SLC37A1: variants seen among roughly 807,000 people sequenced by gnomAD.
SLC37A1 encodes solute carrier family 37 member 1.
SLC37A1 carries 49 observed loss-of-function variants against 75.3 expected under a neutral mutation model. The ratio of observed to expected loss-of-function variants is 0.65; its 90% confidence interval spans 0.52 to 0.83. SLC37A1 has a LOEUF of 0.83. SLC37A1 is among the 40% of genes least tolerant of loss of function. The pLI is 0.00. For missense variants in SLC37A1, 566 were observed against 695.0 expected, an observed-to-expected ratio of 0.81 and a Z score of 2.09; for synonymous variants, 268 against 292.1, an observed-to-expected ratio of 0.92 and a Z score of 0.84.
At chr21:42,505,294 A>G (rs1042045912) in intron 2 of SLC37A1, among the ~76,000 whole-genome samples, 3 of 152,190 alleles carry the variant, frequency 2.0e-5, no homozygotes, top group African/African-American at 7.2e-5. Flanking sequence ...TGCTGTGGCC[A>G]TAATGACTTT....
intron 1 of SLC37A1, among the ~76,000 whole-genome samples, chr21:42,516,620 T>G (rs1334317497): frequency 6.6e-6 from 1 of 152,218 alleles, no homozygotes; most frequent in African/African-American, 2.4e-5. Context: ...TTTCACCCAT[T>G]TTACAGGGAA....
At chr21:42,507,322 C>G (rs1277408857) in intron 2 of SLC37A1, among the ~76,000 whole-genome samples, 1 of 152,154 alleles carries the variant, frequency 6.6e-6, no homozygotes, top group East Asian at 1.9e-4. Context: ...TAGAGGAACC[C>G]AGGGCATGCG....
At position 42,547,209 on chromosome 21, in the gene SLC37A1, C is replaced by T. The variant is rs368805436; in HGVS notation, c.768+69C>T. ...TTCTGACCACTTCCCCAGCCTGCTCCTGCCTGTGCGGTGTCAGACAGAAAC... is the reference window on the plus strand; with the variant it reads ...TTCTGACCACTTCCCCAGCCTGCTCTTGCCTGTGCGGTGTCAGACAGAAAC... On this transcript the variant is annotated intron_variant, in intron 9 of 19. Coordinates refer to ENST00000352133, the MANE Select transcript of SLC37A1 (RefSeq NM_001320537.2). This position sits in a 1 kb window ranked among gnomAD's most constrained non-coding sequence, Gnocchi z 6.1. 2.5e-5 allele frequency: 40 copies of T among 1,569,768 alleles called. No homozygotes were observed. Among genetic ancestry groups the T allele is most frequent in the Non-Finnish European group, 3.0e-5 (34 of 1,139,924 alleles).
In SLC37A1 at chr21:42,539,433, C is replaced by T. The variant is rs763143679; in HGVS notation, c.351-79C>T. 5.2e-5 allele frequency: 77 copies of T among 1,486,002 alleles called. No individual in the cohort carries two copies. In the African/African-American group the frequency reaches 5.2e-4, roughly 10 times the overall value. The allele number at this position is 1,486,002 out of a possible 1,614,324, so 92.1% of individuals were successfully genotyped here. On this transcript the variant is annotated intron_variant, in intron 5 of 19. Transcript: ENST00000352133. Reference sequence around the variant, plus strand: ...GCTCAGAGAACAGCATGAAAGCATCCGGCAAGAAACAGCCACGAGGTTGCT... The same window carrying T: ...GCTCAGAGAACAGCATGAAAGCATCTGGCAAGAAACAGCCACGAGGTTGCT...
chr21:42,513,488 C>T (rs372231674), upstream of SLC37A1, among the ~76,000 whole-genome samples: 13 of 152,138 alleles, frequency 8.5e-5, no homozygotes, highest in East Asian at 1.9e-3. Flanking sequence ...GGCGCGGCGG[C>T]ATGTGACCCT....
chr21:42,560,824 T>C (rs2055810840), intron 11 of SLC37A1, among the ~76,000 whole-genome samples: 1 of 152,208 alleles, frequency 6.6e-6, no homozygotes, highest in South Asian at 2.1e-4. Flanking sequence ...CAAATACTTG[T>C]ACCAAAAGTA....
chr21:42,554,289 C>G lies in SLC37A1; in HGVS notation c.849+147C>G, dbSNP rs372844079. On this transcript the variant is annotated intron_variant, in intron 10 of 19. Coordinates refer to ENST00000352133, the MANE Select transcript of SLC37A1 (RefSeq NM_001320537.2). The stretch of plus-strand genomic sequence containing the variant: ...AAAATTCTGTCTCATTGTATTTCTT[C>G]AGTAAAATTTGAGTTTGCCCTTATT... 52 of 708,988 alleles carry G rather than the reference C, an allele frequency of 7.3e-5. 1 individual carries two copies. Among genetic ancestry groups the G allele is most frequent in the East Asian group, 3.3e-4 (12 of 36,704 alleles). The allele number at this position is 708,988 out of a possible 1,614,324, so 43.9% of individuals were successfully genotyped here. A position where few individuals can be genotyped will look rare whatever the true frequency, so the allele number is the denominator to read the frequency against.
chr21:42,538,184 C>G (rs1012393570), intron 5 of SLC37A1, among the ~76,000 whole-genome samples: 4 of 152,218 alleles, frequency 2.6e-5, no homozygotes, highest in Non-Finnish European at 4.4e-5. Flanking sequence ...GTGACCTGGG[C>G]AGGTCAGCCA....
intron 18 of SLC37A1, among the ~76,000 whole-genome samples, chr21:42,579,508 T>TTCATCAGATAGCCCTGCCC (rs2056372037): frequency 7.9e-6 from 1 of 126,176 alleles, no homozygotes. Context: ...TTCGTGGGCC[T>TTCATCAGATAGCCCTGCCC]TCATCAGACA....
rs557384572 is a variant in SLC37A1 at position 42,580,901 on chromosome 21, G to A, written c.*541G>A. 9.5e-4 allele frequency: 158 copies of A among 165,552 alleles called. No homozygotes were observed. Among genetic ancestry groups the A allele is most frequent in the African/African-American group, 3.6e-3 (148 of 41,670 alleles). 10.3% of individuals were successfully genotyped at this position (165,552 alleles called of 1,614,324 possible). A position where few individuals can be genotyped will look rare whatever the true frequency, so the allele number is the denominator to read the frequency against. On this transcript the variant is annotated 3_prime_UTR_variant, in exon 20 of 20. Coordinates refer to ENST00000352133, the MANE Select transcript of SLC37A1 (RefSeq NM_001320537.2). ...CGACAACCAGGTTGGAAACCAAGAC[G>A]GAGCTCAGACCCACCACATCGCCCC...
chr21:42,550,899 A>G (rs1273329834), intron 9 of SLC37A1, among the ~76,000 whole-genome samples: 1 of 152,184 alleles, frequency 6.6e-6, no homozygotes, highest in Non-Finnish European at 1.5e-5. Context: ...CACTCAACAA[A>G]CTAGGAATAG....
At chr21:42,504,474 CATG>C (rs2054366813) in intron 2 of SLC37A1, among the ~76,000 whole-genome samples, 1 of 152,154 alleles carries the variant, frequency 6.6e-6, no homozygotes, top group Admixed American at 6.5e-5. Flanking sequence ...CTATGTGTGT[CATG>C]ATATTTTCTT....
chr21:42,518,551 A>G lies in SLC37A1; in HGVS notation c.56+41A>G, dbSNP rs1249133149. 3.1e-6 allele frequency: 5 copies of G among 1,609,568 alleles called. No homozygotes were observed. In the South Asian group the frequency reaches 4.4e-5, roughly 14 times the overall value. ...GCAGGCCCTTGGCATGGAGCTGTGT[A>G]TAGGTGAGGGCTACTGTGCAGGTAG... On this transcript the variant is annotated intron_variant, in intron 2 of 19. Transcript: ENST00000352133.
chr21:42,523,126 T>C (rs527967283), intron 2 of SLC37A1, among the ~76,000 whole-genome samples: 3 of 152,344 alleles, frequency 2.0e-5, no homozygotes, highest in East Asian at 3.9e-4. Context: ...GCTGCTCTTC[T>C]CAAAATCCTT....
chr21:42,530,960 G>A (rs975671196), intron 3 of SLC37A1, among the ~76,000 whole-genome samples: 1 of 152,216 alleles, frequency 6.6e-6, no homozygotes, highest in South Asian at 2.1e-4. Flanking sequence ...GAATGCAGGC[G>A]AATACAGTGA....
chr21:42,529,241 C>T (rs1244425563), intron 3 of SLC37A1, among the ~76,000 whole-genome samples: 4 of 152,054 alleles, frequency 2.6e-5, no homozygotes, highest in African/African-American at 4.8e-5. Flanking sequence ...ACTGGTTATT[C>T]GTCAGGAAGA....
intron 11 of SLC37A1, chr21:42,560,587 A>G (rs1191433226): frequency 1.3e-5 from 2 of 152,300 alleles, no homozygotes; most frequent in Admixed American, 1.3e-4. Context: ...GCTTCAGAAC[A>G]GAAAGTATTC....
intron 4 of SLC37A1, among the ~76,000 whole-genome samples, chr21:42,535,254 G>A (rs566685728): frequency 3.7e-4 from 56 of 152,344 alleles, no homozygotes; most frequent in Non-Finnish European, 1.5e-5. Flanking sequence ...AATGACGCCT[G>A]TATTATATTT....
At chr21:42,566,015 C>A in intron 15 of SLC37A1, 140 bp downstream of exon 15, 1 of 775,502 alleles carries the variant, frequency 1.3e-6, no homozygotes, top group East Asian at 2.6e-5. Flanking sequence ...TGTCCGTGTC[C>A]TCCTTTGGGC....
Sources: allele counts gnomAD v4.1 joint callset (sites outside exome capture counted in the v4.1 genomes callset), GRCh38; gene constraint gnomAD v4.1.1; non-coding constraint Gnocchi (gnomAD v3.1); transcripts MANE v1.5; gene names NCBI Gene and HGNC (gene_info 2026-07-23, HGNC 2026-07-21).